NFIA: variants seen among roughly 807,000 people sequenced by gnomAD.
The protein encoded by NFIA is nuclear factor 1 A-type.
A neutral mutation model predicts 62.8 loss-of-function variants in NFIA; 8 were observed. That is an observed-to-expected ratio of 0.13 (90% CI 0.07 to 0.23). The LOEUF is 0.23. NFIA is among the 10% of genes least tolerant of loss of function. NFIA has a pLI of 1.00. For missense variants in NFIA, 410 were observed against 642.1 expected, an observed-to-expected ratio of 0.64 and a Z score of 3.91; for synonymous variants, 235 against 238.1, an observed-to-expected ratio of 0.99 and a Z score of 0.12.
intron 2 of NFIA, among the ~76,000 whole-genome samples, chr1:61,146,503 TTA>T (rs1279897851): frequency 6.6e-6 from 1 of 152,190 alleles, no homozygotes; most frequent in Non-Finnish European, 1.5e-5. Context: ...CAGAGCCTAA[TTA>T]TATGTGCACA....
intron 2 of NFIA, among the ~76,000 whole-genome samples, chr1:61,097,976 C>A (rs183961092): frequency 6.6e-6 from 1 of 152,264 alleles, no homozygotes. Flanking sequence ...AGATGGCTTT[C>A]AGTGTTGAGA....
At chr1:61,110,185 C>T (rs1054933843) in intron 2 of NFIA, among the ~76,000 whole-genome samples, 2 of 151,668 alleles carry the variant, frequency 1.3e-5, no homozygotes. Flanking sequence ...CTGGTGCTGA[C>T]ACAGCACAGG....
intron 6 of NFIA, among the ~76,000 whole-genome samples, chr1:61,372,618 A>G (rs1663953909): frequency 6.6e-6 from 1 of 151,046 alleles, no homozygotes; most frequent in Admixed American, 6.6e-5. Flanking sequence ...ACAGTGCTTC[A>G]GAAAATGACT....
chr1:61,358,467 A>G (rs1433018331), intron 5 of NFIA, among the ~76,000 whole-genome samples: 3 of 134,096 alleles, frequency 2.2e-5, no homozygotes, highest in African/African-American at 5.7e-5. Flanking sequence ...GCTCACTGCA[A>G]CCTCCACCTC....
chr1:61,167,276 A>G (rs1328257967), intron 2 of NFIA, among the ~76,000 whole-genome samples: 1 of 152,214 alleles, frequency 6.6e-6, no homozygotes, highest in African/African-American at 2.4e-5. Flanking sequence ...GTACTCATGT[A>G]TGATCGTGTA....
At chr1:61,202,051 T>C (rs1293288891) in intron 2 of NFIA, among the ~76,000 whole-genome samples, 6 of 152,174 alleles carry the variant, frequency 3.9e-5, no homozygotes, top group African/African-American at 1.2e-4. Context: ...GGTGTTAGAT[T>C]GTGACTTACA....
At chr1:61,451,381 G>C (rs766385421) in intron 10 of NFIA, among the ~76,000 whole-genome samples, 22 of 152,290 alleles carry the variant, frequency 1.4e-4, no homozygotes, top group South Asian at 4.1e-4. Flanking sequence ...GAATACCTTA[G>C]AGACGCCACA....
chr1:61,148,722 TAGC>T (rs1648184961), intron 2 of NFIA, among the ~76,000 whole-genome samples: 2 of 152,220 alleles, frequency 1.3e-5, no homozygotes, highest in Non-Finnish European at 2.9e-5. Context: ...GAAGTTAAGT[TAGC>T]AGCAGATTCT....
intron 10 of NFIA, among the ~76,000 whole-genome samples, chr1:61,446,038 T>G (rs1667794925): frequency 6.6e-6 from 1 of 151,614 alleles, no homozygotes; most frequent in Non-Finnish European, 1.5e-5. Context: ...AAAAAAAAAA[T>G]GATTCCTGGC....
chr1:61,132,356 C>G (rs955078048), intron 2 of NFIA, among the ~76,000 whole-genome samples: 4 of 152,304 alleles, frequency 2.6e-5, no homozygotes, highest in African/African-American at 9.6e-5. Flanking sequence ...TTACAGACTT[C>G]CACCATCAGT....
intron 2 of NFIA, among the ~76,000 whole-genome samples, chr1:61,270,123 T>C (rs1657417051): frequency 6.6e-6 from 1 of 152,234 alleles, no homozygotes; most frequent in African/African-American, 2.4e-5. Context: ...TGGGGTTGAT[T>C]TTCACAAAGA....
chr1:61,309,762 A>G (rs368610493), intron 3 of NFIA, among the ~76,000 whole-genome samples: 107 of 152,170 alleles, frequency 7.0e-4, no homozygotes, highest in African/African-American at 2.4e-3. Flanking sequence ...GGTGGCATGC[A>G]CCTGTAGTCC....
intron 2 of NFIA, among the ~76,000 whole-genome samples, chr1:61,176,649 T>C (rs1042153755): frequency 7.3e-5 from 11 of 151,346 alleles, no homozygotes; most frequent in Non-Finnish European, 1.6e-4. Context: ...AAAAACTACA[T>C]AGATGAATAC....
At chr1:61,130,563 G>T (rs1217830220) in intron 2 of NFIA, among the ~76,000 whole-genome samples, 2 of 152,152 alleles carry the variant, frequency 1.3e-5, no homozygotes, top group African/African-American at 4.8e-5. Flanking sequence ...GTCTTAACAG[G>T]TTTCTGACTC....
chr1:61,324,759 T>C (rs983106420), intron 3 of NFIA, among the ~76,000 whole-genome samples: 1 of 152,172 alleles, frequency 6.6e-6, no homozygotes, highest in Non-Finnish European at 1.5e-5. Context: ...TTAGTTCCCA[T>C]GTAATGGCAT....
intron 2 of NFIA, among the ~76,000 whole-genome samples, chr1:61,238,247 A>G (rs962582661): frequency 4.6e-5 from 7 of 152,202 alleles, no homozygotes; most frequent in Non-Finnish European, 8.8e-5. Flanking sequence ...CTGTGTCATT[A>G]GTTTGGAATT....
At chr1:61,185,993 T>C (rs764420472) in intron 2 of NFIA, among the ~76,000 whole-genome samples, 4 of 152,200 alleles carry the variant, frequency 2.6e-5, no homozygotes, top group African/African-American at 4.8e-5. Flanking sequence ...CTTTTCTACC[T>C]TTTGCACTTT....
At position 61,233,029 on chromosome 1, in the gene NFIA, A is replaced by G. The variant is rs114663480; in HGVS notation, c.560-44491A>G. On this transcript the variant is annotated intron_variant, in intron 2 of 10. Transcript: ENST00000403491. ...TTTGCTAAATAAATTCTAAGCTCCT[A>G]GAGTGTGTATTTAGTGCCTTTATAT... Among the ~76,000 whole-genome samples, 1,099 of 152,264 alleles carry G rather than the reference A, an allele frequency of 7.2e-3. 10 individuals carry two copies. Among genetic ancestry groups the G allele is most frequent in the Middle Eastern group, 0.017 (5 of 294 alleles).
At chr1:61,405,242 C>G (rs1048036592) in intron 8 of NFIA, among the ~76,000 whole-genome samples, 3 of 152,188 alleles carry the variant, frequency 2.0e-5, no homozygotes, top group Admixed American at 1.3e-4. Flanking sequence ...ACATTTCTGT[C>G]TAGACAACAA....
Sources: allele counts gnomAD v4.1 joint callset (sites outside exome capture counted in the v4.1 genomes callset), GRCh38; gene constraint gnomAD v4.1.1; transcripts MANE v1.5; gene names NCBI Gene and HGNC (gene_info 2026-07-23, HGNC 2026-07-21).